Variants in SESN3 observed in about 807,000 individuals in gnomAD.
The protein encoded by SESN3 is sestrin-3.
A neutral mutation model predicts 55.3 loss-of-function variants in SESN3; 21 were observed. The observed-to-expected ratio is 0.38, with a 90% CI of 0.27 to 0.55. The LOEUF (loss-of-function observed/expected upper bound fraction) is 0.55, where lower values mean the gene tolerates loss of function less well. Ranked by LOEUF, SESN3 falls within the 20% of genes least tolerant of loss-of-function variation. SESN3 has a pLI of 0.76. For missense variants in SESN3, 408 were observed against 604.3 expected (o/e 0.68, Z 3.41); for synonymous variants, 181 against 203.1 (o/e 0.89, Z 0.93).
At chr11:95,174,608 C>T (rs1223741679) in intron 9 of SESN3, among the ~76,000 whole-genome samples, 1 of 152,080 alleles carries the variant, frequency 6.6e-6, no homozygotes, top group Non-Finnish European at 1.5e-5. Flanking sequence ...CTCAGATTCC[C>T]AAGTAGCTGG....
chr11:95,167,475 C>CCCCATAT lies in SESN3; in HGVS notation c.*5779_*5780insATATGGG, dbSNP rs563322416. On this transcript the variant is annotated 3_prime_UTR_variant, in exon 10 of 10. Coordinates refer to ENST00000536441, the MANE Select transcript of SESN3 (RefSeq NM_144665.4). ...TCAGATATTCATTCTGTTTCCCCCCCATATATATAATTTTTCATTCTGTAC... is the reference window on the plus strand; with the variant it reads ...TCAGATATTCATTCTGTTTCCCCCCCCCCATATATATATATAATTTTTCATTCTGTAC... The CCCCATAT allele has an allele frequency of 6.6e-6, 1 of 150,936 alleles. No homozygotes were observed. The highest frequency in any genetic ancestry group is 2.5e-5 in the African/African-American group (1 of 40,338). 9.3% of individuals were successfully genotyped at this position (150,936 alleles called of 1,614,324 possible). A position where few individuals can be genotyped will look rare whatever the true frequency, so the allele number is the denominator to read the frequency against.
chr11:95,220,143 G>A (rs1264672653), intron 1 of SESN3, among the ~76,000 whole-genome samples: 1 of 152,050 alleles, frequency 6.6e-6, no homozygotes. Flanking sequence ...AACAGTCCAA[G>A]GGTTTCTTTG....
chr11:95,226,573 C>A (rs1386096950), intron 1 of SESN3, among the ~76,000 whole-genome samples: 1 of 152,110 alleles, frequency 6.6e-6, no homozygotes, highest in Non-Finnish European at 1.5e-5. Flanking sequence ...AATTTGTGTT[C>A]TCACAAGTAA....
At chr11:95,193,398 T>C in intron 2 of SESN3, 59 bp downstream of exon 2, 1 of 998,670 alleles carries the variant, frequency 1.0e-6, no homozygotes. Context: ...AGATATTCTT[T>C]GATACAGTTA....
intron 1 of SESN3, among the ~76,000 whole-genome samples, chr11:95,209,952 G>A (rs1291292584): frequency 7.1e-6 from 1 of 140,316 alleles, no homozygotes; most frequent in Non-Finnish European, 1.6e-5. Flanking sequence ...AGGAGGCGAA[G>A]GTTGCAGTGA....
chr11:95,198,920 AAC>A (rs869133294), intron 1 of SESN3, among the ~76,000 whole-genome samples: 6 of 138,592 alleles, frequency 4.3e-5, no homozygotes, highest in African/African-American at 1.5e-4. Context: ...TAGCATAATA[AAC>A]ATGTACTAAA....
chr11:95,226,033 G>GT (rs766582028), intron 1 of SESN3, among the ~76,000 whole-genome samples: 53 of 108,844 alleles, frequency 4.9e-4, no homozygotes, highest in Non-Finnish European at 7.4e-4. Context: ...TCAAAAATAA[G>GT]TAAAAAAAAA....
intron 1 of SESN3, among the ~76,000 whole-genome samples, chr11:95,207,075 G>A (rs1396009714): frequency 6.6e-6 from 1 of 152,042 alleles, no homozygotes; most frequent in Non-Finnish European, 1.5e-5. Context: ...CACCACGCGC[G>A]GCCAACATTA....
In SESN3 at chr11:95,167,944, T is replaced by C. The variant is rs999397869; in HGVS notation, c.*5311A>G. ...AGACTACAAAGTCAATGCATTTTCT[T>C]TTCATCCCATGGAACATTTTTTTTC... On this transcript the variant is annotated 3_prime_UTR_variant, in exon 10 of 10. Transcript: ENST00000536441. 1.3e-5 allele frequency: 2 copies of C among 152,178 alleles called. No homozygotes were observed. The highest frequency in any genetic ancestry group is 4.8e-5 in the African/African-American group (2 of 41,440). The allele number at this position is 152,178 out of a possible 1,614,324, so 9.4% of individuals were successfully genotyped here. A position where few individuals can be genotyped will look rare whatever the true frequency, so the allele number is the denominator to read the frequency against.
chr11:95,177,691 T>TA (rs760310951), intron 8 of SESN3, 28 bp downstream of exon 8: 2 of 1,551,028 alleles, frequency 1.3e-6, no homozygotes, highest in South Asian at 1.2e-5. Context: ...CTTAGAAATG[T>TA]AAAAAACTGT....
chr11:95,232,127 TGTC>T (rs1202298304), upstream of SESN3: 1 of 152,212 alleles, frequency 6.6e-6, no homozygotes, highest in Non-Finnish European at 1.5e-5. Flanking sequence ...GAGAACAAAT[TGTC>T]GTTTAAAACT....
chr11:95,208,372 G>A (rs1433261727), intron 1 of SESN3, among the ~76,000 whole-genome samples: 3 of 151,376 alleles, frequency 2.0e-5, no homozygotes, highest in African/African-American at 7.3e-5. Flanking sequence ...ATATAATCAT[G>A]ACAGGACTTC....
In SESN3 at chr11:95,189,675, C is replaced by T. The variant is rs1028488308; in HGVS notation, c.525+104G>A. 5 of 694,014 alleles carry T rather than the reference C, an allele frequency of 7.2e-6. No individual in the cohort carries two copies. In the South Asian group the frequency reaches 1.3e-4, roughly 19 times the overall value. The allele number at this position is 694,014 out of a possible 1,614,324, so 43.0% of individuals were successfully genotyped here. On this transcript the variant is annotated intron_variant, in intron 4 of 9. Coordinates refer to ENST00000536441, the MANE Select transcript of SESN3 (RefSeq NM_144665.4). ...TGACTTTCTAAACTCATCTTTTCTA[C>T]ACATACTAAGACACTATTATTTATG...
chr11:95,228,405 A>G (rs1860987525), intron 1 of SESN3, among the ~76,000 whole-genome samples: 1 of 152,230 alleles, frequency 6.6e-6, no homozygotes, highest in Non-Finnish European at 1.5e-5. Flanking sequence ...ATTAGACTGA[A>G]CAAACATTCA....
chr11:95,189,646 A>T, intron 4 of SESN3, 133 bp downstream of exon 4: 1 of 549,720 alleles, frequency 1.8e-6, no homozygotes, highest in Non-Finnish European at 3.0e-6. Flanking sequence ...TGCTTAAATT[A>T]AACTGACTTT....
intron 6 of SESN3, among the ~76,000 whole-genome samples, chr11:95,183,848 A>G (rs1860110800): frequency 2.0e-5 from 3 of 152,064 alleles, no homozygotes; most frequent in Admixed American, 1.3e-4. Flanking sequence ...TATTAGAAAA[A>G]CTGTTTTCAA....
At chr11:95,173,365 T>G in intron 9 of SESN3, 24 bp from the exon 10 acceptor site, 4 of 1,476,682 alleles carry the variant, frequency 2.7e-6, no homozygotes, top group Non-Finnish European at 3.8e-6. Context: ...TGTTATCAGT[T>G]TAGTAACCAT....
intron 1 of SESN3, among the ~76,000 whole-genome samples, chr11:95,210,401 A>G (rs1006331974): frequency 6.6e-6 from 1 of 152,242 alleles, no homozygotes; most frequent in South Asian, 2.1e-4. Context: ...CTTGAAAAAG[A>G]AAATTGCTTA....
chr11:95,192,830 G>T (rs1471117520), intron 2 of SESN3, among the ~76,000 whole-genome samples: 1 of 152,008 alleles, frequency 6.6e-6, no homozygotes, highest in Non-Finnish European at 1.5e-5. Context: ...AATATAATGG[G>T]ATCCAGATGA....
Sources: allele counts gnomAD v4.1 joint callset (sites outside exome capture counted in the v4.1 genomes callset), GRCh38; gene constraint gnomAD v4.1.1; transcripts MANE v1.5; gene names NCBI Gene and HGNC (gene_info 2026-07-23, HGNC 2026-07-21).